Variants in RASGRP3 observed in about 807,000 individuals in gnomAD.
RASGRP3 encodes ras guanyl-releasing protein 3.
Under a neutral mutation model 82.7 loss-of-function variants are expected in RASGRP3, and 54 were observed. That is an observed-to-expected ratio of 0.65 (90% CI 0.52 to 0.82). RASGRP3 has a LOEUF of 0.82. RASGRP3 is among the 40% of genes least tolerant of loss of function. The probability of loss-of-function intolerance (pLI) is 0.00; values close to 1 mark genes in which losing one functional copy is unlikely to be tolerated. For missense variants in RASGRP3, 861 were observed against 828.9 expected, an observed-to-expected ratio of 1.04 and a Z score of -0.48; for synonymous variants, 309 against 300.5, an observed-to-expected ratio of 1.03 and a Z score of -0.29.
chr2:33,562,390 C>G (rs1045414408), intron 17 of RASGRP3, among the ~76,000 whole-genome samples: 1 of 151,882 alleles, frequency 6.6e-6, no homozygotes, highest in African/African-American at 2.4e-5. Flanking sequence ...ATCTCAGCCT[C>G]CCAAGTAGCT....
intron 4 of RASGRP3, among the ~76,000 whole-genome samples, chr2:33,517,010 G>C (rs913843229): frequency 1.3e-5 from 2 of 152,212 alleles, no homozygotes; most frequent in African/African-American, 4.8e-5. Context: ...TGGGCATAGA[G>C]GACGCAGCTT....
intron 1 of RASGRP3, among the ~76,000 whole-genome samples, chr2:33,493,551 A>G (rs556580336): frequency 1.3e-5 from 2 of 152,068 alleles, no homozygotes; most frequent in Admixed American, 1.3e-4. Flanking sequence ...TCAGGACCCA[A>G]GTGTTGGAGC....
intron 12 of RASGRP3, among the ~76,000 whole-genome samples, chr2:33,542,881 T>C (rs999978711): frequency 1.3e-5 from 2 of 152,118 alleles, no homozygotes; most frequent in African/African-American, 2.4e-5. Context: ...TTAGTAGCGA[T>C]GGGGTTTCAT....
chr2:33,534,694 A>ATTTTTTTTTTT (rs71910431), intron 11 of RASGRP3, among the ~76,000 whole-genome samples: 58 of 122,178 alleles, frequency 4.7e-4, no homozygotes, highest in African/African-American at 1.5e-3. Flanking sequence ...ACACCCAGCA[A>ATTTTTTTTTTT]TTTTTTTTTT....
upstream of RASGRP3, among the ~76,000 whole-genome samples, chr2:33,475,945 A>G (rs1667333822): frequency 1.3e-5 from 2 of 152,230 alleles, no homozygotes; most frequent in African/African-American, 4.8e-5. Flanking sequence ...TTCAACAGAT[A>G]ACAATGCGGA....
At chr2:33,494,116 C>A (rs1669096443) in intron 1 of RASGRP3, among the ~76,000 whole-genome samples, 1 of 152,118 alleles carries the variant, frequency 6.6e-6, no homozygotes, top group African/African-American at 2.4e-5. Context: ...ATCATTTTGG[C>A]CTTGGGGCTC....
chr2:33,545,129 G>A (rs1674612471), intron 13 of RASGRP3, among the ~76,000 whole-genome samples: 1 of 152,130 alleles, frequency 6.6e-6, no homozygotes, highest in Admixed American at 6.5e-5. Context: ...TGGTTCTAGA[G>A]ACAAAATTGA....
intron 3 of RASGRP3, among the ~76,000 whole-genome samples, chr2:33,516,122 C>G (rs1002328227): frequency 6.6e-6 from 1 of 152,170 alleles, no homozygotes; most frequent in Non-Finnish European, 1.5e-5. Flanking sequence ...TAAAAGATCA[C>G]TGGTCGGCCA....
intron 2 of RASGRP3, among the ~76,000 whole-genome samples, chr2:33,452,043 A>G (rs188618744): frequency 2.0e-5 from 3 of 151,838 alleles, no homozygotes; most frequent in Admixed American, 1.3e-4. Context: ...TTCCATCACT[A>G]TGTTCTTTAG....
At chr2:33,555,417 TC>T (rs1452144863) in intron 14 of RASGRP3, 113 bp from the exon 15 acceptor site, 2 of 789,900 alleles carry the variant, frequency 2.5e-6, no homozygotes, top group Non-Finnish European at 4.1e-6. Context: ...AGTGGCTACA[TC>T]CTGTTTGTGC....
At position 33,549,741 on chromosome 2, in the gene RASGRP3, G is replaced by T; in HGVS notation, c.1532G>T (p.Cys511Phe). The change falls in exon 14 of 18, where the codon TGT becomes TTT. Residue 511 changes from cysteine (C) to phenylalanine (F), a missense_variant. Cys to Phe is a radical substitution (Grantham distance 205). Coordinates refer to ENST00000403687, the MANE Select transcript of RASGRP3 (RefSeq NM_001139488.2). ...CTCAAGCCAACCTTCTGCGAACACT[G>T]TGCGGGATTTGTAAGTCTGTTTTCC... ...TYLKPTFCEH[C>F]AGFLWGIIKQ... 6.2e-7 allele frequency: 1 copy of T among 1,613,052 alleles called. No homozygotes were observed. Among genetic ancestry groups the T allele is most frequent in the Non-Finnish European group, 8.5e-7 (1 of 1,179,664 alleles).
intron 1 of RASGRP3, among the ~76,000 whole-genome samples, chr2:33,443,927 G>A (rs1398735433): frequency 1.3e-5 from 2 of 151,992 alleles, no homozygotes; most frequent in East Asian, 3.9e-4. Context: ...AGCCACTAAT[G>A]TGACCTACAT....
chr2:33,524,548 G>A lies in RASGRP3; in HGVS notation c.807G>A (p.Lys269=). 6.4e-7 allele frequency: 1 copy of A among 1,570,426 alleles called. No homozygotes were observed. The highest frequency in any genetic ancestry group is 1.2e-5 in the South Asian group (1 of 85,538). ...THSHLSSEVT[K]NWNEMTELVS... ...CTCATCTTTCTTCAGAAGTTACAAA[G>A]GTATAGTAGACTTGATCCTAATCAA... Residue 269 remains lysine, a splice_region_variant and synonymous_variant, in exon 9 of 18, where the codon AAG becomes AAA. Coordinates refer to ENST00000403687, the MANE Select transcript of RASGRP3 (RefSeq NM_001139488.2).
At chr2:33,541,581 T>C (rs538080006) in intron 12 of RASGRP3, among the ~76,000 whole-genome samples, 1 of 147,220 alleles carries the variant, frequency 6.8e-6, no homozygotes, top group South Asian at 2.2e-4. Flanking sequence ...AGATTTTATT[T>C]AATCTGAGAG....
intron 2 of RASGRP3, among the ~76,000 whole-genome samples, chr2:33,471,558 G>GT (rs1219939977): frequency 3.8e-3 from 554 of 146,176 alleles, no homozygotes; most frequent in Non-Finnish European, 5.2e-3. Context: ...TGCTTTATCA[G>GT]TTTTTTTTTT....
chr2:33,454,058 T>C (rs1665925407), intron 2 of RASGRP3, among the ~76,000 whole-genome samples: 1 of 152,182 alleles, frequency 6.6e-6, no homozygotes, highest in South Asian at 2.1e-4. Context: ...GTAAAAGTTA[T>C]TTTTTTAAAA....
chr2:33,539,318 T>C, intron 12 of RASGRP3, 108 bp downstream of exon 12: 1 of 897,038 alleles, frequency 1.1e-6, no homozygotes, highest in Non-Finnish European at 1.7e-6. Flanking sequence ...AACAACCCTC[T>C]GGCAGGTAGG....
intron 2 of RASGRP3, among the ~76,000 whole-genome samples, chr2:33,450,676 G>A (rs950521375): frequency 6.6e-6 from 1 of 151,888 alleles, no homozygotes; most frequent in African/African-American, 2.4e-5. Context: ...ATGCCACAAT[G>A]AACATGGAGT....
intron 1 of RASGRP3, chr2:33,481,202 C>A (rs1667862039): frequency 6.6e-6 from 1 of 152,578 alleles, no homozygotes; most frequent in Non-Finnish European, 1.5e-5. Context: ...CACTCTGTCG[C>A]CCAGGCTGGA....
Sources: gnomAD v4.1 joint callset for allele counts (sites outside exome capture counted in the v4.1 genomes callset) on GRCh38, gnomAD v4.1.1 for gene constraint, MANE v1.5 for transcripts, NCBI Gene and HGNC (gene_info 2026-07-23, HGNC 2026-07-21) for gene names.